ANKS6: variants seen among roughly 807,000 people sequenced by gnomAD.
The protein encoded by ANKS6 is ankyrin repeat and sterile alpha motif domain containing 6, also known as ankyrin repeat and SAM domain-containing protein 6.
ANKS6 carries 47 observed loss-of-function variants against 77.9 expected under a neutral mutation model. That is an observed-to-expected ratio of 0.60 (90% CI 0.48 to 0.77). ANKS6 has a LOEUF of 0.77. Among genes scored for constraint, ANKS6 ranks in the 30% least tolerant of loss-of-function variants. ANKS6 has a pLI of 0.00. For missense variants in ANKS6, 1,150 were observed against 1,159.1 expected (o/e 0.99, Z 0.11); for synonymous variants, 488 against 501.7 (o/e 0.97, Z 0.37).
In ANKS6 at chr9:98,796,180, G is replaced by T. The variant is rs2118216861; in HGVS notation, c.312C>A (p.Val104=). The T allele has an allele frequency of 3.5e-6, 5 of 1,417,452 alleles. No individual in the cohort carries two copies. In the African/African-American group the frequency reaches 5.9e-5, roughly 17 times the overall value. 87.8% of individuals were successfully genotyped at this position (1,417,452 alleles called of 1,614,324 possible). The change falls in exon 1 of 15, where the codon GTC becomes GTA. Residue 104 remains valine (V), a synonymous_variant. Transcript: ENST00000353234. Reference sequence around the variant, plus strand: ...TCCAGCCGTAGTGGTTGCGGCTGTTGACCGAGGCACCGCGGCGCAGCAGGA... The same window carrying T: ...TCCAGCCGTAGTGGTTGCGGCTGTTTACCGAGGCACCGCGGCGCAGCAGGA... ...VRFLLRRGAS[V]NSRNHYGWSA...
In ANKS6 at chr9:98,777,398, C is replaced by T. The variant is rs756126444; in HGVS notation, c.1617+7G>A. 7.4e-6 allele frequency: 12 copies of T among 1,614,138 alleles called. No individual in the cohort carries two copies. In the South Asian group the frequency reaches 1.2e-4, roughly 16 times the overall value. On this transcript the variant is annotated splice_region_variant and intron_variant, in intron 8 of 14. Transcript: ENST00000353234. Reference sequence around the variant, plus strand: ...CTAAAATGCTTTTAGAAAAGCCCCACACTCACCATGGTTGTCAATAACGTG... The same window carrying T: ...CTAAAATGCTTTTAGAAAAGCCCCATACTCACCATGGTTGTCAATAACGTG...
intron 13 of ANKS6, among the ~76,000 whole-genome samples, chr9:98,747,771 C>A (rs1005000864): frequency 6.6e-6 from 1 of 152,202 alleles, no homozygotes; most frequent in Non-Finnish European, 1.5e-5. Context: ...TCCCCTTCTG[C>A]CCTTCCAACC....
At position 98,791,692 on chromosome 9, in the gene ANKS6, T is replaced by C. The variant is rs1276858370; in HGVS notation, c.360-1086A>G. Among the ~76,000 whole-genome samples the C allele has an allele frequency of 6.6e-6, 1 of 152,224 alleles. No homozygotes were observed. The highest frequency in any genetic ancestry group is 1.5e-5 in the Non-Finnish European group (1 of 68,040). ...TGTCTGCATCTGTGAGGCAGCTTTC[T>C]GGGTTTCTCGATGCTCAGCCCTCCT... On this transcript the variant is annotated intron_variant, in intron 1 of 14. Transcript: ENST00000353234. The surrounding 1 kb of genome is among the most constrained non-coding windows in gnomAD (Gnocchi z 4.3).
At chr9:98,766,301 TATA>T (rs1293436552) in intron 11 of ANKS6, among the ~76,000 whole-genome samples, 1 of 152,192 alleles carries the variant, frequency 6.6e-6, no homozygotes, top group Non-Finnish European at 1.5e-5. Flanking sequence ...GAATAGTTAA[TATA>T]ATTTATAACT....
At chr9:98,774,299 C>G (rs1564207203) in intron 8 of ANKS6, among the ~76,000 whole-genome samples, 1 of 152,202 alleles carries the variant, frequency 6.6e-6, no homozygotes, top group Non-Finnish European at 1.5e-5. Flanking sequence ...TCTCTCCTCA[C>G]AGCAGCAAGA....
intron 2 of ANKS6, among the ~76,000 whole-genome samples, chr9:98,787,730 C>T (rs1450864585): frequency 6.6e-6 from 1 of 152,168 alleles, no homozygotes; most frequent in Non-Finnish European, 1.5e-5. Context: ...TTATGACTAT[C>T]TTATGAAAAA....
intron 8 of ANKS6, 39 bp from the exon 9 acceptor site, chr9:98,774,119 A>G: frequency 7.1e-7 from 1 of 1,405,868 alleles, no homozygotes; most frequent in Non-Finnish European, 9.3e-7. Context: ...AGCCCCCAGG[A>G]GGGCTCCCAA....
Position 98,780,254 on chromosome 9 carries a change from G to T in ANKS6, c.1303C>A (p.Pro435Thr). The change falls in exon 6 of 15, where the codon CCC becomes ACC. Residue 435 changes from proline (P) to threonine (T), a missense_variant. By Grantham distance (38) the Pro-to-Thr change is conservative. Transcript: ENST00000353234. ...KGRPSHQPPL[P>T]HSKVRQPWSI... ...CAGGGCTGTCGGACCTTCGAGTGGGGCAGGGGAGGCTGGTGGCTCGGCCGG... is the reference window on the plus strand; with the variant it reads ...CAGGGCTGTCGGACCTTCGAGTGGGTCAGGGGAGGCTGGTGGCTCGGCCGG... 1 of 1,613,878 alleles carries T rather than the reference G, an allele frequency of 6.2e-7. No individual in the cohort carries two copies. Among genetic ancestry groups the T allele is most frequent in the Non-Finnish European group, 8.5e-7 (1 of 1,179,956 alleles).
At chr9:98,750,565 C>T (rs1832371975) in intron 13 of ANKS6, among the ~76,000 whole-genome samples, 1 of 152,154 alleles carries the variant, frequency 6.6e-6, no homozygotes, top group South Asian at 2.1e-4. Context: ...CACACGGTAA[C>T]TCTATATTTA....
chr9:98,742,114 C>T (rs1831867123), intron 14 of ANKS6, among the ~76,000 whole-genome samples: 1 of 152,220 alleles, frequency 6.6e-6, no homozygotes. Flanking sequence ...TGGGCCTCCC[C>T]GTCTCATGTG....
intron 13 of ANKS6, among the ~76,000 whole-genome samples, chr9:98,746,449 G>A (rs140379049): frequency 1.3e-5 from 2 of 152,346 alleles, no homozygotes; most frequent in East Asian, 1.9e-4. Context: ...CAGACCAGAG[G>A]AGGGCAGTTA....
chr9:98,789,574 G>T (rs1315856504), intron 2 of ANKS6, among the ~76,000 whole-genome samples: 1 of 152,210 alleles, frequency 6.6e-6, no homozygotes, highest in Non-Finnish European at 1.5e-5. Flanking sequence ...GCAAACTATA[G>T]CCCATGGCTC....
At chr9:98,764,461 G>T (rs901278233) in intron 11 of ANKS6, among the ~76,000 whole-genome samples, 1 of 151,954 alleles carries the variant, frequency 6.6e-6, no homozygotes, top group African/African-American at 2.4e-5. Context: ...TATTCCTTCT[G>T]CCCCACCTCT....
At chr9:98,739,299 A>G (rs1257858399) in intron 14 of ANKS6, among the ~76,000 whole-genome samples, 1 of 152,120 alleles carries the variant, frequency 6.6e-6, no homozygotes, top group African/African-American at 2.4e-5. Flanking sequence ...CAACAACGAC[A>G]ACAACAACAA....
At position 98,790,321 on chromosome 9, in the gene ANKS6, C is replaced by T. The variant is rs750834722; in HGVS notation, c.645G>A (p.Ala215=). 79 of 1,609,052 alleles carry T rather than the reference C, an allele frequency of 4.9e-5. 1 individual carries two copies. The South Asian group carries it at 4.9e-4, about 10-fold the overall frequency. The part of the protein sequence containing the change: ...AVVRLLMEWG[A]DPNHAARTVG... The stretch of plus-strand genomic sequence containing the variant: ...CGGTCCGGGCTGCGTGGTTGGGGTC[C>T]GCGCCCCACTCCATCAGTAGACGCA... Residue 215 remains alanine, a synonymous_variant, in exon 2 of 15, where the codon GCG becomes GCA. Transcript: ENST00000353234.
At chr9:98,740,661 C>CAG (rs2131924205) in intron 14 of ANKS6, among the ~76,000 whole-genome samples, 2 of 152,292 alleles carry the variant, frequency 1.3e-5, no homozygotes, top group East Asian at 3.9e-4. Context: ...TGCCTGCTAA[C>CAG]CTTAGGAGGG....
chr9:98,732,277 T>C lies in ANKS6; in HGVS notation c.*4242A>G. On this transcript the variant is annotated 3_prime_UTR_variant, in exon 15 of 15. Transcript: ENST00000353234. Reference sequence around the variant, plus strand: ...GTTGTCCAGCCTCCGGCCTGGCCCATGTCTTCAGGCAGCTCTGAGGCAAGA... The same window carrying C: ...GTTGTCCAGCCTCCGGCCTGGCCCACGTCTTCAGGCAGCTCTGAGGCAAGA... 1 of 599,442 alleles carries C rather than the reference T, an allele frequency of 1.7e-6. No homozygotes were observed. The highest frequency in any genetic ancestry group is 2.0e-5 in the South Asian group (1 of 49,618). 37.1% of individuals were successfully genotyped at this position (599,442 alleles called of 1,614,324 possible).
intron 12 of ANKS6, among the ~76,000 whole-genome samples, chr9:98,753,918 T>C (rs1202132770): frequency 1.3e-5 from 2 of 152,206 alleles, no homozygotes; most frequent in Non-Finnish European, 2.9e-5. Context: ...TTGTAAATAA[T>C]GGTTGTGTTT....
intron 9 of ANKS6, 69 bp from the exon 10 acceptor site, chr9:98,771,115 G>A (rs1198771562): frequency 2.1e-6 from 3 of 1,401,022 alleles, no homozygotes; most frequent in South Asian, 1.8e-5. Context: ...GGATCACAGT[G>A]TGGGGGTTCC....
Sources: allele counts gnomAD v4.1 joint callset (sites outside exome capture counted in the v4.1 genomes callset), GRCh38; gene constraint gnomAD v4.1.1; non-coding constraint Gnocchi (gnomAD v3.1); transcripts MANE v1.5; gene names NCBI Gene and HGNC (gene_info 2026-07-23, HGNC 2026-07-21).